IFNLR1: variants seen among roughly 807,000 people sequenced by gnomAD.
IFNLR1 encodes interferon lambda receptor 1.
A neutral mutation model predicts 52.5 loss-of-function variants in IFNLR1; 28 were observed. The ratio of observed to expected loss-of-function variants is 0.53; its 90% CI spans 0.40 to 0.73. The LOEUF is 0.73. Ranked by LOEUF, IFNLR1 falls within the 30% of genes least tolerant of loss-of-function variation. The pLI is 0.00. For missense variants in IFNLR1, 623 were observed against 659.1 expected (o/e 0.95, Z 0.60); for synonymous variants, 276 against 274.9 (o/e 1.00, Z -0.04).
At chr1:24,172,167 T>C (rs1251126802) in intron 2 of IFNLR1, among the ~76,000 whole-genome samples, 1 of 152,066 alleles carries the variant, frequency 6.6e-6, no homozygotes. Context: ...AATAAATAGC[T>C]GAAAGTGAAT....
In IFNLR1 at chr1:24,156,830, T is replaced by G; in HGVS notation, c.*300A>C. ...TGTTTCATGTTGTCCGGGGATAATTTTTCCCCCTGGCCTGTCACCCTAGGG... is the reference window on the plus strand; with the variant it reads ...TGTTTCATGTTGTCCGGGGATAATTGTTCCCCCTGGCCTGTCACCCTAGGG... On this transcript the variant is annotated 3_prime_UTR_variant, in exon 7 of 7. Transcript: ENST00000327535. 2.4e-6 allele frequency: 1 copy of G among 409,778 alleles called. No homozygotes were observed. The highest frequency in any genetic ancestry group is 4.4e-6 in the Non-Finnish European group (1 of 229,004). 25.4% of individuals were successfully genotyped at this position (409,778 alleles called of 1,614,324 possible). A position where few individuals can be genotyped will look rare whatever the true frequency, so the allele number is the denominator to read the frequency against.
chr1:24,162,853 T>C (rs1367921299), intron 3 of IFNLR1, among the ~76,000 whole-genome samples: 37 of 76,578 alleles, frequency 4.8e-4, no homozygotes, highest in Non-Finnish European at 8.1e-4. Flanking sequence ...CTTTCTTTCT[T>C]TCTTTCTTTC....
chr1:24,159,649 G>A lies in IFNLR1; in HGVS notation c.511-16C>T. On this transcript the variant is annotated splice_polypyrimidine_tract_variant and intron_variant, in intron 4 of 6. Coordinates refer to ENST00000327535, the MANE Select transcript of IFNLR1 (RefSeq NM_170743.4). ...GAAATAGGGTCTGTTTGGAAAAGAAGCAGAGAGTGGCAGAGCTGCTGTGGG... is the reference window on the plus strand; with the variant it reads ...GAAATAGGGTCTGTTTGGAAAAGAAACAGAGAGTGGCAGAGCTGCTGTGGG... 6.2e-7 allele frequency: 1 copy of A among 1,613,192 alleles called. No homozygotes were observed. The highest frequency in any genetic ancestry group is 8.5e-7 in the Non-Finnish European group (1 of 1,179,406).
At chr1:24,161,731 T>A (rs1200197965) in intron 3 of IFNLR1, 47 bp from the exon 4 acceptor site, 1 of 1,446,490 alleles carries the variant, frequency 6.9e-7, no homozygotes, top group African/African-American at 1.4e-5. Flanking sequence ...GGGGCCGCAC[T>A]GCCTCCATCC....
At chr1:24,169,679 G>A in intron 2 of IFNLR1, 78 bp from the exon 3 acceptor site, 3 of 1,432,920 alleles carry the variant, frequency 2.1e-6, no homozygotes, top group Non-Finnish European at 1.9e-6. Flanking sequence ...AGTTGATCAT[G>A]CTTCCCTCTG....
chr1:24,166,869 G>A (rs751409664), intron 3 of IFNLR1, among the ~76,000 whole-genome samples: 13 of 152,156 alleles, frequency 8.5e-5, no homozygotes, highest in Non-Finnish European at 1.8e-4. Flanking sequence ...GAGCCACAGT[G>A]CCTGGCCTGT....
rs749272439 is a variant in IFNLR1, at chr1:24,161,678, G to A, written c.374C>T (p.Pro125Leu). The change falls in exon 4 of 7, where the codon CCG becomes CTG. Residue 125 changes from proline to leucine, a missense_variant. Coordinates refer to ENST00000327535, the MANE Select transcript of IFNLR1 (RefSeq NM_170743.4). ...GGTGAGCACCAGGACAGGTGGGGCC[G>A]GCTCCACTGCAGAAACAGAGCAGGA... ...EYLDYLFEVE[P>L]APPVLVLTQT... 5.3e-6 allele frequency: 8 copies of A among 1,500,588 alleles called. No homozygotes were observed. Among genetic ancestry groups the A allele is most frequent in the Admixed American group, 2.1e-5 (1 of 46,652 alleles). 93.0% of individuals were successfully genotyped at this position (1,500,588 alleles called of 1,614,324 possible).
Position 24,158,260 on chromosome 1 carries a change from T to C in IFNLR1, c.802-369A>G, listed in dbSNP as rs74493209. The stretch of plus-strand genomic sequence containing the variant: ...CAGCCTGCCACATGCAGGGGCAATG[T>C]GGGCTCCAGAGGCCAGAGAAAGCCC... On this transcript the variant is annotated intron_variant, in intron 6 of 6. Coordinates refer to ENST00000327535, the MANE Select transcript of IFNLR1 (RefSeq NM_170743.4). Among the ~76,000 whole-genome samples, 16 of 152,302 alleles carry C rather than the reference T, an allele frequency of 1.1e-4. No homozygotes were observed. In the East Asian group the frequency reaches 2.5e-3, roughly 24 times the overall value.
chr1:24,186,681 A>G (rs1482684675), intron 1 of IFNLR1, among the ~76,000 whole-genome samples: 1 of 152,022 alleles, frequency 6.6e-6, no homozygotes, highest in Admixed American at 6.5e-5. Context: ...AACAACAACA[A>G]CAACAACAAA....
Position 24,169,661 on chromosome 1 carries a change from T to C in IFNLR1, c.183-60A>G, listed in dbSNP as rs1345982172. ...CTCAGCCTCTCCGGGTCAGGGAACT[T>C]AGAGAACAGTTGATCATGCTTCCCT... On this transcript the variant is annotated intron_variant, in intron 2 of 6. Coordinates refer to ENST00000327535, the MANE Select transcript of IFNLR1 (RefSeq NM_170743.4). The C allele has an allele frequency of 5.9e-6, 9 of 1,520,328 alleles. No homozygotes were observed. The East Asian group carries it at 2.0e-4, about 34-fold the overall frequency. 94.2% of individuals were successfully genotyped at this position (1,520,328 alleles called of 1,614,324 possible). A position where few individuals can be genotyped will look rare whatever the true frequency, so the allele number is the denominator to read the frequency against.
Position 24,159,014 on chromosome 1 carries a change from C to G in IFNLR1, c.801+38G>C, listed in dbSNP as rs746304168. ...CCAGCCCCACTCCCTTACTCTCAAC[C>G]CCTCCCCACCTGCTGCACACCCCCA... is the stretch of plus-strand genomic sequence containing the variant. On this transcript the variant is annotated intron_variant, in intron 6 of 6. Coordinates refer to ENST00000327535, the MANE Select transcript of IFNLR1 (RefSeq NM_170743.4). The G allele has an allele frequency of 3.1e-6, 5 of 1,604,336 alleles. No homozygotes were observed. In the East Asian group the frequency reaches 1.1e-4, roughly 36 times the overall value.
In IFNLR1 at chr1:24,180,785, CAT is replaced by C; in HGVS notation, c.126_127del (p.Trp43AlafsTer23). ...CTGGGGGTTGCCAAGCCCTGGGAGC[CAT>C]GTCAGGTACACGCTGAAGTTCTGGG... On this transcript the variant is annotated frameshift_variant, in exon 2 of 7. Coordinates refer to ENST00000327535, the MANE Select transcript of IFNLR1 (RefSeq NM_170743.4). LOFTEE classifies it high-confidence loss of function. The C allele has an allele frequency of 6.2e-7, 1 of 1,613,920 alleles. No individual in the cohort carries two copies. The highest frequency in any genetic ancestry group is 8.5e-7 in the Non-Finnish European group (1 of 1,179,932).
At chr1:24,170,995 C>T (rs892518268) in intron 2 of IFNLR1, among the ~76,000 whole-genome samples, 1 of 152,130 alleles carries the variant, frequency 6.6e-6, no homozygotes, top group Non-Finnish European at 1.5e-5. Context: ...CCAAAGGAAC[C>T]AGTGTAGTTA....
chr1:24,167,988 C>T (rs753875067), intron 3 of IFNLR1, among the ~76,000 whole-genome samples: 28 of 152,188 alleles, frequency 1.8e-4, no homozygotes, highest in African/African-American at 6.3e-4. Flanking sequence ...TGAGCCACCG[C>T]GCCCGGCTGG....
At chr1:24,162,746 TTC>T (rs1557643784) in intron 3 of IFNLR1, among the ~76,000 whole-genome samples, 4,408 of 33,752 alleles carry the variant, frequency 0.13, 323 homozygotes, top group African/African-American at 0.13. Context: ...CTTTCTTTCT[TTC>T]TTTCTTTCTT....
chr1:24,173,127 CA>C (rs60148493), intron 2 of IFNLR1, among the ~76,000 whole-genome samples: 1,364 of 106,892 alleles, frequency 0.013, 20 homozygotes, highest in African/African-American at 0.036. Flanking sequence ...TTTTCTCTTC[CA>C]AAAAAAAAAA....
intron 3 of IFNLR1, among the ~76,000 whole-genome samples, chr1:24,166,196 TCC>T (rs1472735960): frequency 3.3e-5 from 5 of 151,392 alleles, no homozygotes; most frequent in African/African-American, 1.2e-4. Flanking sequence ...CATCCATCCA[TCC>T]ATCCATCCTT....
chr1:24,161,812 G>T, intron 3 of IFNLR1, 128 bp from the exon 4 acceptor site: 1 of 877,154 alleles, frequency 1.1e-6, no homozygotes, highest in Non-Finnish European at 1.7e-6. Flanking sequence ...TGTGCACCTA[G>T]CACCTTATAA....
chr1:24,166,122 C>T (rs1183714290), intron 3 of IFNLR1, among the ~76,000 whole-genome samples: 1 of 152,090 alleles, frequency 6.6e-6, no homozygotes, highest in Non-Finnish European at 1.5e-5. Context: ...GGTTTGTCTG[C>T]CATTCTTCTA....
Sources: gnomAD v4.1 joint callset for allele counts (sites outside exome capture counted in the v4.1 genomes callset) on GRCh38, gnomAD v4.1.1 for gene constraint, MANE v1.5 for transcripts, NCBI Gene and HGNC (gene_info 2026-07-23, HGNC 2026-07-21) for gene names.